The following RECQL5 variants were observed in gnomAD, a reference collection of about 807,000 sequenced individuals.
RECQL5 encodes the protein ATP-dependent DNA helicase Q5.
A neutral mutation model predicts 103.4 loss-of-function variants in RECQL5; 88 were observed. The observed-to-expected ratio is 0.85, with a 90% CI of 0.72 to 1.02. The LOEUF is 1.02. RECQL5 is among the 50% of genes least tolerant of loss of function. The pLI is 0.00. For missense variants in RECQL5, 1,232 were observed against 1,284.3 expected (o/e 0.96, Z 0.62); for synonymous variants, 552 against 507.9 (o/e 1.09, Z -1.17).
chr17:75,641,128 C>G, intron 8 of RECQL5: 1 of 682,498 alleles, frequency 1.5e-6, no homozygotes, highest in Non-Finnish European at 2.3e-6. Context: ...GGGGAGTCAG[C>G]TGTTTCAAAG....
At chr17:75,666,399 T>C (rs1355325585) in intron 2 of RECQL5, 29 bp downstream of exon 2, 2 of 1,613,074 alleles carry the variant, frequency 1.2e-6, no homozygotes, top group Non-Finnish European at 1.7e-6. Flanking sequence ...CCAGCATAAA[T>C]TTAAAGGAAG....
chr17:75,640,703 C>A lies in RECQL5; in HGVS notation c.1230-9035G>T. 6.6e-7 allele frequency: 1 copy of A among 1,506,812 alleles called. No individual in the cohort carries two copies. Among genetic ancestry groups the A allele is most frequent in the South Asian group, 1.3e-5 (1 of 79,446 alleles). 93.3% of individuals were successfully genotyped at this position (1,506,812 alleles called of 1,614,324 possible). The stretch of plus-strand genomic sequence containing the variant: ...TCCACCAAACCTGTGGGGGAAAGAC[C>A]CTGGCAGGCAGTGGGTTTCTCTGGG... On this transcript the variant is annotated intron_variant, in intron 8 of 19. Coordinates refer to ENST00000317905, the MANE Select transcript of RECQL5 (RefSeq NM_004259.7). This position sits in a 1 kb window ranked among gnomAD's most constrained non-coding sequence, Gnocchi z 4.6.
chr17:75,628,975 A>G lies in RECQL5; in HGVS notation c.2448T>C (p.Pro816=). 3 of 1,564,938 alleles carry G rather than the reference A, an allele frequency of 1.9e-6. No individual in the cohort carries two copies. The highest frequency in any genetic ancestry group is 2.6e-6 in the Non-Finnish European group (3 of 1,158,686). The change falls in exon 16 of 20, where the codon CCT becomes CCC. Residue 816 remains proline (P), a synonymous_variant. Coordinates refer to ENST00000317905, the MANE Select transcript of RECQL5 (RefSeq NM_004259.7). ...GEEDGAGGHS[P]APPQTEECLR... ...GGCACTCCTCAGTCTGGGGAGGGGC[A>G]GGCGAATGTCCCCCGGCTCCATCTT...
rs199943360 is a variant in RECQL5, at chr17:75,661,651, T to C, written c.829A>G (p.Ile277Val). The C allele has an allele frequency of 8.7e-6, 14 of 1,614,034 alleles. No individual in the cohort carries two copies. In the African/African-American group the frequency reaches 1.3e-4, roughly 15 times the overall value. ...TTCACACCCCTGCAGCTGAGCTCTA[T>C]GGCCAGCTGTTCACAAGCCTCTCTA... ...RTREACEQLA[I>V]ELSCRGVNAK... The change falls in exon 5 of 20, where the codon ATA (isoleucine) becomes GTA (valine). Residue 277 changes from isoleucine to valine, a missense_variant. Transcript: ENST00000317905.
chr17:75,645,297 A>G (rs1271046662), intron 8 of RECQL5, among the ~76,000 whole-genome samples: 7 of 152,220 alleles, frequency 4.6e-5, no homozygotes, highest in Non-Finnish European at 2.9e-5. Context: ...ATTTCTAGAA[A>G]GAATTTCTTT....
At chr17:75,631,036 G>A in intron 10 of RECQL5, 26 bp from the exon 11 acceptor site, 1 of 1,613,302 alleles carries the variant, frequency 6.2e-7, no homozygotes, top group Non-Finnish European at 8.5e-7. Context: ...AAGGACCCAT[G>A]AGGCGTCCTG....
Position 75,640,791 on chromosome 17 carries a change from C to A in RECQL5, c.1230-9123G>T, listed in dbSNP as rs1012899518. ...CCCGTGCTCTCTCCCGGCCCTCCAG[C>A]TACTGTTCTGCTGTTGCTGCTGATA... On this transcript the variant is annotated intron_variant, in intron 8 of 19. Transcript: ENST00000317905. This position sits in a 1 kb window ranked among gnomAD's most constrained non-coding sequence, Gnocchi z 4.6. 16 of 1,549,950 alleles carry A rather than the reference C, an allele frequency of 1.0e-5. No individual in the cohort carries two copies. The highest frequency in any genetic ancestry group is 2.0e-5 in the Admixed American group (1 of 50,984).
chr17:75,633,761 G>T (rs2059265971), intron 8 of RECQL5: 1 of 1,026,860 alleles, frequency 9.7e-7, no homozygotes, highest in Admixed American at 5.4e-5. Context: ...CCCCTCCACA[G>T]GCTCAGGTGG....
chr17:75,628,784 A>G, intron 16 of RECQL5, 22 bp from the exon 17 acceptor site: 1 of 1,604,902 alleles, frequency 6.2e-7, no homozygotes, highest in South Asian at 1.1e-5. Context: ...AAGAGCAGGC[A>G]TCACAGCACT....
At position 75,627,269 on chromosome 17, in the gene RECQL5, C is replaced by T; in HGVS notation, c.*153G>A. 1.4e-6 allele frequency: 1 copy of T among 712,720 alleles called. No homozygotes were observed. The highest frequency in any genetic ancestry group is 2.5e-5 in the East Asian group (1 of 39,638). 44.1% of individuals were successfully genotyped at this position (712,720 alleles called of 1,614,324 possible). A position where few individuals can be genotyped will look rare whatever the true frequency, so the allele number is the denominator to read the frequency against. ...GGTGGGCTGACCTCTGACCTGGATT[C>T]AGGGGGTGTCTGGGGTCATCCCCAA... On this transcript the variant is annotated 3_prime_UTR_variant, in exon 20 of 20. Transcript: ENST00000317905.
intron 4 of RECQL5, 31 bp from the exon 5 acceptor site, chr17:75,661,739 CA>C: frequency 6.5e-7 from 1 of 1,538,194 alleles, no homozygotes; most frequent in South Asian, 1.1e-5. Context: ...AGAAAATAAG[CA>C]TAGCAAGAAC....
chr17:75,628,717 G>C lies in RECQL5; in HGVS notation c.2535C>G (p.Thr845=). 1 of 1,591,294 alleles carries C rather than the reference G, an allele frequency of 6.3e-7. No individual in the cohort carries two copies. The highest frequency in any genetic ancestry group is 1.1e-5 in the South Asian group (1 of 87,288). Residue 845 remains threonine, a synonymous_variant, in exon 17 of 20, where the codon ACC becomes ACG. Transcript: ENST00000317905. The part of the protein sequence containing the change: ...RDQGTPEVQP[T]PAKDTWKGKR... ...TGCCCTTCCATGTGTCCTTTGCAGG[G>C]GTGGGCTGGACTTCAGGGGTGCCCT...
chr17:75,637,244 C>T (rs774242358), intron 8 of RECQL5: 1 of 152,432 alleles, frequency 6.6e-6, no homozygotes, highest in East Asian at 1.9e-4. Flanking sequence ...GTGGCACAAG[C>T]GAAAAAGCTC....
rs543768043 is a variant in RECQL5, at chr17:75,630,308, T to G, written c.1719-31A>C. ...GGTGCAAGGTAACAGGCACAAGGTA[T>G]CAGGTGGGCCTGGGCTTCTCCCTGC... On this transcript the variant is annotated intron_variant, in intron 13 of 19. Coordinates refer to ENST00000317905, the MANE Select transcript of RECQL5 (RefSeq NM_004259.7). 13 of 1,524,618 alleles carry G rather than the reference T, an allele frequency of 8.5e-6. No individual in the cohort carries two copies. In the African/African-American group the frequency reaches 1.8e-4, roughly 21 times the overall value. 94.4% of individuals were successfully genotyped at this position (1,524,618 alleles called of 1,614,324 possible).
rs1440243539 is a variant in RECQL5, at chr17:75,665,060, A to T, written c.243T>A (p.Ala81=). The part of the protein sequence containing the change: ...GITIVVSPLI[A]LIQDQVDHLL... ...TTGCCCTAAGCCTCACCTGAATCAA[A>T]GCAATGAGAGGAGAGACTACAATGG... Residue 81 remains alanine (A), a synonymous_variant, in exon 3 of 20, where the codon GCT becomes GCA. Transcript: ENST00000317905. The T allele has an allele frequency of 1.9e-6, 3 of 1,597,410 alleles. No individual in the cohort carries two copies. The highest frequency in any genetic ancestry group is 1.4e-5 in the African/African-American group (1 of 73,754).
chr17:75,657,010 C>T (rs1370831293), intron 7 of RECQL5, among the ~76,000 whole-genome samples: 2 of 152,288 alleles, frequency 1.3e-5, no homozygotes, highest in East Asian at 3.9e-4. Flanking sequence ...TCCCAAAGTG[C>T]TGGGATTACA....
chr17:75,666,677 T>A, intron 1 of RECQL5, 106 bp from the exon 2 acceptor site: 1 of 1,065,102 alleles, frequency 9.4e-7, no homozygotes, highest in Non-Finnish European at 1.3e-6. Context: ...ATATTACACT[T>A]AAATAATGTA....
chr17:75,659,024 C>T (rs1303475548), intron 6 of RECQL5, among the ~76,000 whole-genome samples: 1 of 152,022 alleles, frequency 6.6e-6, no homozygotes, highest in Non-Finnish European at 1.5e-5. Context: ...TAACAAGATA[C>T]CACAGACCCA....
At chr17:75,660,426 C>T (rs974571114) in intron 6 of RECQL5, among the ~76,000 whole-genome samples, 2 of 152,170 alleles carry the variant, frequency 1.3e-5, no homozygotes, top group South Asian at 2.1e-4. Context: ...GCAAACATTA[C>T]GGTGGATAGT....
Sources: gnomAD v4.1 joint callset for allele counts (sites outside exome capture counted in the v4.1 genomes callset) on GRCh38, gnomAD v4.1.1 for gene constraint, Gnocchi (gnomAD v3.1) non-coding constraint, MANE v1.5 for transcripts, NCBI Gene and HGNC (gene_info 2026-07-23, HGNC 2026-07-21) for gene names.